The following GFRA2 variants were observed in gnomAD, a reference collection of about 807,000 sequenced individuals.
The protein encoded by GFRA2 is GDNF family receptor alpha-2.
In GFRA2, 17 loss-of-function variants were observed where a neutral mutation model predicts 48.3. The ratio of observed to expected loss-of-function variants is 0.35; its 90% CI spans 0.24 to 0.53. The LOEUF is 0.53. GFRA2 is among the 20% of genes least tolerant of loss of function. The pLI, the probability that GFRA2 is intolerant of heterozygous loss-of-function variation, is 0.93. For synonymous variants in GFRA2, 305 were observed against 257.2 expected (o/e 1.19, Z -1.78); for missense variants, 660 against 637.3 (o/e 1.04, Z -0.38).
intron 1 of GFRA2, among the ~76,000 whole-genome samples, chr8:21,808,415 G>A (rs924841851): frequency 6.6e-6 from 1 of 152,200 alleles, no homozygotes; most frequent in Non-Finnish European, 1.5e-5. Context: ...TATGATGGAG[G>A]AGGGTTGTTA....
chr8:21,781,925 G>C (rs1464319370), intron 2 of GFRA2, among the ~76,000 whole-genome samples: 1 of 152,128 alleles, frequency 6.6e-6, no homozygotes, highest in African/African-American at 2.4e-5. Flanking sequence ...CAAGGGATGT[G>C]GGGCCTGCTG....
At chr8:21,757,922 T>C (rs914658910) in intron 3 of GFRA2, among the ~76,000 whole-genome samples, 6 of 152,242 alleles carry the variant, frequency 3.9e-5, no homozygotes, top group Non-Finnish European at 7.3e-5. Context: ...TCTGAATTTT[T>C]CTAACCCATT....
At chr8:21,767,396 G>T (rs893593214) in intron 3 of GFRA2, among the ~76,000 whole-genome samples, 1 of 152,164 alleles carries the variant, frequency 6.6e-6, no homozygotes, top group African/African-American at 2.4e-5. Context: ...GCACACACAC[G>T]TGTTCCCGTC....
chr8:21,782,842 C>A lies in GFRA2; in HGVS notation c.98G>T (p.Gly33Val). 1 of 1,569,926 alleles carries A rather than the reference C, an allele frequency of 6.4e-7. No homozygotes were observed. The highest frequency in any genetic ancestry group is 8.6e-7 in the Non-Finnish European group (1 of 1,164,654). The part of the protein sequence containing the change: ...PSSLQGPELH[G>V]WRPPVDCVRA... ...GACACAGTCCACTGGGGGGCGCCAG[C>A]CGTGGAGCTCGGGGCCCTGCAGGGA... Residue 33 changes from glycine (G) to valine (V), a missense_variant, in exon 2 of 9, where the codon GGC (glycine) becomes GTC (valine). Gly to Val is a moderately radical substitution (Grantham distance 109). Coordinates refer to ENST00000524240, the MANE Select transcript of GFRA2 (RefSeq NM_001495.5).
intron 2 of GFRA2, among the ~76,000 whole-genome samples, 181 bp from the exon 3 acceptor site, chr8:21,775,236 T>C (rs2117708509): frequency 6.6e-6 from 1 of 152,236 alleles, no homozygotes; most frequent in East Asian, 1.9e-4. Context: ...AGCAACGAAA[T>C]GTTTAGCATT....
At chr8:21,720,125 A>T (rs143054798) in intron 4 of GFRA2, among the ~76,000 whole-genome samples, 94 of 143,592 alleles carry the variant, frequency 6.5e-4, no homozygotes, top group African/African-American at 2.3e-3. Flanking sequence ...ATTGTTACAA[A>T]GATTCAGAGA....
At chr8:21,737,006 G>A (rs937288752) in intron 4 of GFRA2, among the ~76,000 whole-genome samples, 2 of 151,852 alleles carry the variant, frequency 1.3e-5, no homozygotes, top group African/African-American at 2.4e-5. Flanking sequence ...CAGCAGGTCC[G>A]AGTTACACAT....
chr8:21,711,491 G>A (rs995916860), intron 4 of GFRA2, among the ~76,000 whole-genome samples: 1 of 152,182 alleles, frequency 6.6e-6, no homozygotes, highest in Non-Finnish European at 1.5e-5. Context: ...CTTGGCAGCT[G>A]TAGCCTGTTC....
chr8:21,810,666 G>T (rs1183623117), intron 1 of GFRA2, among the ~76,000 whole-genome samples: 1 of 152,202 alleles, frequency 6.6e-6, no homozygotes, highest in African/African-American at 2.4e-5. Flanking sequence ...CAGGCACTCA[G>T]TGGAGCCAGT....
intron 1 of GFRA2, among the ~76,000 whole-genome samples, chr8:21,810,711 T>A (rs921071875): frequency 2.0e-5 from 3 of 152,070 alleles, no homozygotes; most frequent in African/African-American, 7.2e-5. Flanking sequence ...AGAGCCTGAA[T>A]TCTCAGGGAC....
At chr8:21,702,673 G>C (rs893583997) in intron 7 of GFRA2, 132 bp downstream of exon 7, 1 of 794,904 alleles carries the variant, frequency 1.3e-6, no homozygotes, top group South Asian at 1.9e-5. Context: ...AATGACCCCC[G>C]GCAGCTCCTC....
intron 4 of GFRA2, among the ~76,000 whole-genome samples, chr8:21,738,194 CCCTCCT>C (rs1203865824): frequency 1.3e-5 from 1 of 77,548 alleles, no homozygotes; most frequent in Non-Finnish European, 2.8e-5. Context: ...CTCCTCCTCC[CCCTCCT>C]CCTCCTCCCC....
At chr8:21,719,507 T>C (rs150404791) in intron 4 of GFRA2, among the ~76,000 whole-genome samples, 1 of 152,338 alleles carries the variant, frequency 6.6e-6, no homozygotes, top group African/African-American at 2.4e-5. Flanking sequence ...TCTATTTCAT[T>C]GAACTGCTAA....
chr8:21,750,096 C>T lies in GFRA2; in HGVS notation c.794+492G>A, dbSNP rs903801087. Reference sequence around the variant, plus strand: ...ATGTGTGTGTGTGTGTATACACACACACACACACACACACGCACATATATA... The same window carrying T: ...ATGTGTGTGTGTGTGTATACACACATACACACACACACACGCACATATATA... On this transcript the variant is annotated intron_variant, in intron 4 of 8. Coordinates refer to ENST00000524240, the MANE Select transcript of GFRA2 (RefSeq NM_001495.5). The surrounding 1 kb of genome is among the most constrained non-coding windows in gnomAD (Gnocchi z 5.7). Among the ~76,000 whole-genome samples, 1 of 144,994 alleles carries T rather than the reference C, an allele frequency of 6.9e-6. No homozygotes were observed. Among genetic ancestry groups the T allele is most frequent in the African/African-American group, 2.7e-5 (1 of 36,988 alleles).
intron 4 of GFRA2, among the ~76,000 whole-genome samples, chr8:21,719,537 G>A (rs2117438857): frequency 6.6e-6 from 1 of 152,332 alleles, no homozygotes; most frequent in East Asian, 1.9e-4. Context: ...ACAAGAGATT[G>A]TGTTTACATA....
rs751796447 is a variant in GFRA2, at chr8:21,694,521, C to A, written c.1219-4G>T. The A allele has an allele frequency of 3.1e-6, 5 of 1,609,378 alleles. No homozygotes were observed. Among genetic ancestry groups the A allele is most frequent in the Non-Finnish European group, 4.2e-6 (5 of 1,178,200 alleles). On this transcript the variant is annotated splice_region_variant and splice_polypyrimidine_tract_variant and intron_variant, in intron 7 of 8. Transcript: ENST00000524240. ...TGTTGGCCTTCAGCCCCTGCTCCTG[C>A]GAGAGAGAAGGTGCCAGTCAGGACG...
At position 21,788,674 on chromosome 8, in the gene GFRA2, GA is replaced by G; in HGVS notation, c.-516del. 3 of 986,106 alleles carry G rather than the reference GA, an allele frequency of 3.0e-6. No individual in the cohort carries two copies. Among genetic ancestry groups the G allele is most frequent in the Non-Finnish European group, 2.4e-6 (2 of 830,424 alleles). The allele number at this position is 986,106 out of a possible 1,614,324, so 61.1% of individuals were successfully genotyped here. ...AGAACAATCCAGTCGGAGCTTCGAG[GA>G]CGAGAGACTGGAGTCGCTTCTTTCG... On this transcript the variant is annotated 5_prime_UTR_variant, in exon 1 of 9. Transcript: ENST00000524240.
chr8:21,695,099 T>G (rs1392858270), intron 7 of GFRA2, among the ~76,000 whole-genome samples: 1 of 152,196 alleles, frequency 6.6e-6, no homozygotes, highest in African/African-American at 2.4e-5. Context: ...ATCTGGCAAC[T>G]GCACCAGCCC....
At chr8:21,799,682 C>G (rs1807738705) in intron 2 of GFRA2, among the ~76,000 whole-genome samples, 1 of 152,208 alleles carries the variant, frequency 6.6e-6, no homozygotes, top group African/African-American at 2.4e-5. Flanking sequence ...CCCCTGCCCA[C>G]CACCCTCCAG....
Sources: allele counts gnomAD v4.1 joint callset (sites outside exome capture counted in the v4.1 genomes callset), GRCh38; gene constraint gnomAD v4.1.1; non-coding constraint Gnocchi (gnomAD v3.1); transcripts MANE v1.5; gene names NCBI Gene and HGNC (gene_info 2026-07-23, HGNC 2026-07-21).